Variants in ARHGAP15 observed in about 807,000 individuals in gnomAD.
The protein encoded by ARHGAP15 is rho GTPase-activating protein 15.
Under a neutral mutation model 63.7 loss-of-function variants are expected in ARHGAP15, and 51 were observed. That is an observed-to-expected ratio of 0.80 (90% CI 0.64 to 1.01). The LOEUF (loss-of-function observed/expected upper bound fraction) is 1.01, where lower values mean the gene tolerates loss of function less well. ARHGAP15 is among the 50% of genes least tolerant of loss of function. The probability of loss-of-function intolerance (pLI) is 0.00; values close to 1 mark genes in which losing one functional copy is unlikely to be tolerated. For missense variants in ARHGAP15, 560 were observed against 564.6 expected (o/e 0.99, Z 0.08); for synonymous variants, 191 against 193.8 (o/e 0.99, Z 0.12).
chr2:143,200,661 T>C (rs1358703478), intron 2 of ARHGAP15, among the ~76,000 whole-genome samples: 1 of 152,052 alleles, frequency 6.6e-6, no homozygotes, highest in African/African-American at 2.4e-5. Context: ...TACAAAACAG[T>C]GTAAGATTTT....
At chr2:143,502,280 G>A (rs1190364533) in intron 9 of ARHGAP15, among the ~76,000 whole-genome samples, 6 of 151,764 alleles carry the variant, frequency 4.0e-5, no homozygotes, top group Non-Finnish European at 7.4e-5. Context: ...GTGGTGGCAG[G>A]TGCCTATAAT....
chr2:143,132,089 G>T (rs1304656505), intron 1 of ARHGAP15, among the ~76,000 whole-genome samples: 1 of 151,770 alleles, frequency 6.6e-6, no homozygotes, highest in East Asian at 1.9e-4. Flanking sequence ...TTTAATAGAT[G>T]TATTTTAAAA....
At chr2:143,627,065 G>C (rs1698862250) in intron 12 of ARHGAP15, among the ~76,000 whole-genome samples, 1 of 152,304 alleles carries the variant, frequency 6.6e-6, no homozygotes, top group East Asian at 1.9e-4. Flanking sequence ...CTATTAGCCA[G>C]AGAGTGGGCC....
chr2:143,421,165 GC>G (rs1246893057), intron 6 of ARHGAP15, among the ~76,000 whole-genome samples: 1 of 152,034 alleles, frequency 6.6e-6, no homozygotes, highest in Non-Finnish European at 1.5e-5. Flanking sequence ...AGGAACTCTT[GC>G]TTTAAGGTAT....
At chr2:143,390,728 C>G (rs945929725) in intron 6 of ARHGAP15, among the ~76,000 whole-genome samples, 4 of 40,444 alleles carry the variant, frequency 9.9e-5, no homozygotes, top group East Asian at 8.5e-4. Context: ...TTGGAAAACA[C>G]ATGCACACAC....
chr2:143,479,075 G>A (rs570325847), intron 8 of ARHGAP15, among the ~76,000 whole-genome samples: 20 of 152,214 alleles, frequency 1.3e-4, no homozygotes, highest in Admixed American at 3.9e-4. Context: ...AAACAAATAC[G>A]TACATATGAT....
At chr2:143,165,055 G>A (rs1690444392) in intron 2 of ARHGAP15, among the ~76,000 whole-genome samples, 2 of 151,898 alleles carry the variant, frequency 1.3e-5, no homozygotes, top group African/African-American at 4.8e-5. Flanking sequence ...GAAGCCAAAT[G>A]ATTAATCATT....
rs184087987 is a variant in ARHGAP15, at chr2:143,586,176, T to A, written c.1003+29691T>A. 3.9e-5 allele frequency among the ~76,000 whole-genome samples: 6 copies of A among 152,286 alleles called. No homozygotes were observed. In the East Asian group the frequency reaches 1.2e-3, roughly 29 times the overall value. On this transcript the variant is annotated intron_variant, in intron 11 of 13. Transcript: ENST00000295095. The stretch of plus-strand genomic sequence containing the variant: ...CTTGGTTAGTATGATTTACCTGTGC[T>A]GCCTGGAACACCATATGGCTATATT...
At chr2:143,297,234 T>G (rs1444288239) in intron 6 of ARHGAP15, among the ~76,000 whole-genome samples, 2 of 151,954 alleles carry the variant, frequency 1.3e-5, no homozygotes, top group Admixed American at 6.6e-5. Context: ...ACTGAAGTAG[T>G]TTTAACACTA....
intron 2 of ARHGAP15, among the ~76,000 whole-genome samples, chr2:143,198,502 A>C (rs767494306): frequency 2.0e-5 from 3 of 152,052 alleles, no homozygotes; most frequent in Non-Finnish European, 2.9e-5. Flanking sequence ...ATATATTCAT[A>C]CCACTAGTAA....
chr2:143,761,340 C>T (rs965755120), intron 13 of ARHGAP15, among the ~76,000 whole-genome samples: 2 of 152,220 alleles, frequency 1.3e-5, no homozygotes, highest in African/African-American at 4.8e-5. Context: ...CCACACTCTC[C>T]TTACTCCGTA....
At chr2:143,464,208 G>A (rs758001160) in intron 8 of ARHGAP15, among the ~76,000 whole-genome samples, 4 of 151,832 alleles carry the variant, frequency 2.6e-5, no homozygotes, top group Non-Finnish European at 4.4e-5. Context: ...CTAGAGTCTC[G>A]GAAAAAATAG....
At chr2:143,357,630 G>C (rs1475548693) in intron 6 of ARHGAP15, among the ~76,000 whole-genome samples, 1 of 152,062 alleles carries the variant, frequency 6.6e-6, no homozygotes, top group Non-Finnish European at 1.5e-5. Context: ...TAAAGTACAA[G>C]CTATTTTTAA....
chr2:143,530,508 TAAG>T (rs1157500396), intron 10 of ARHGAP15, among the ~76,000 whole-genome samples: 1 of 152,196 alleles, frequency 6.6e-6, no homozygotes, highest in African/African-American at 2.4e-5. Flanking sequence ...ACCAGTGTCA[TAAG>T]AATAGCACTA....
At chr2:143,485,813 A>G (rs1574514846) in intron 8 of ARHGAP15, among the ~76,000 whole-genome samples, 1 of 151,882 alleles carries the variant, frequency 6.6e-6, no homozygotes, top group Non-Finnish European at 1.5e-5. Flanking sequence ...GCAATACTTT[A>G]AAGTAATATA....
intron 6 of ARHGAP15, among the ~76,000 whole-genome samples, chr2:143,417,646 G>A (rs948503245): frequency 5.9e-5 from 9 of 152,078 alleles, no homozygotes; most frequent in Non-Finnish European, 8.8e-5. Flanking sequence ...TGTGAATGAC[G>A]GGCACAGATA....
At chr2:143,151,928 T>A (rs1689839783) in intron 1 of ARHGAP15, among the ~76,000 whole-genome samples, 1 of 151,912 alleles carries the variant, frequency 6.6e-6, no homozygotes, top group Non-Finnish European at 1.5e-5. Context: ...GGCACAGCTG[T>A]CATCATCCTG....
chr2:143,448,046 A>G (rs149565570), intron 8 of ARHGAP15, among the ~76,000 whole-genome samples: 1 of 152,284 alleles, frequency 6.6e-6, no homozygotes, highest in East Asian at 1.9e-4. Context: ...TAAAAGGTTT[A>G]TGGAGTTTAA....
intron 6 of ARHGAP15, among the ~76,000 whole-genome samples, chr2:143,379,901 C>G (rs1371800896): frequency 2.0e-5 from 3 of 151,836 alleles, no homozygotes; most frequent in African/African-American, 7.3e-5. Flanking sequence ...GTGCCAGGAA[C>G]TAGATTCTCA....
Sources: gnomAD v4.1 joint callset for allele counts (sites outside exome capture counted in the v4.1 genomes callset) on GRCh38, gnomAD v4.1.1 for gene constraint, MANE v1.5 for transcripts, NCBI Gene and HGNC (gene_info 2026-07-23, HGNC 2026-07-21) for gene names.